Variants in RIC1 observed in about 807,000 individuals in gnomAD.
RIC1 encodes guanine nucleotide exchange factor subunit RIC1.
Under a neutral mutation model 169.0 loss-of-function variants are expected in RIC1, and 88 were observed. The ratio of observed to expected loss-of-function variants is 0.52; its 90% CI spans 0.44 to 0.62. The LOEUF is 0.62. Ranked by LOEUF, RIC1 falls within the 20% of genes least tolerant of loss-of-function variation. RIC1 has a pLI of 0.00. For missense variants in RIC1, 1,877 were observed against 1,725.5 expected (o/e 1.09, Z -1.56); for synonymous variants, 790 against 601.5 (o/e 1.31, Z -4.59).
At chr9:5,636,072 G>A (rs1035844033) in intron 1 of RIC1, among the ~76,000 whole-genome samples, 4 of 152,150 alleles carry the variant, frequency 2.6e-5, no homozygotes, top group African/African-American at 4.8e-5. Flanking sequence ...TTTTAGGATT[G>A]TTTTTCTGTT....
chr9:5,636,560 C>T (rs1817983618), intron 1 of RIC1, among the ~76,000 whole-genome samples: 1 of 152,124 alleles, frequency 6.6e-6, no homozygotes, highest in Admixed American at 6.6e-5. Context: ...CTCAGTTGAT[C>T]TGCCTGCCTC....
chr9:5,685,311 ATCGCCAAG>A (rs1821149970), intron 2 of RIC1, among the ~76,000 whole-genome samples: 1 of 151,368 alleles, frequency 6.6e-6, no homozygotes, highest in Non-Finnish European at 1.5e-5. Flanking sequence ...AAGAGCCCGC[ATCGCCAAG>A]TCAATCCTAA....
chr9:5,696,419 G>T (rs1287037717), intron 3 of RIC1, among the ~76,000 whole-genome samples: 2 of 151,664 alleles, frequency 1.3e-5, no homozygotes, highest in East Asian at 1.9e-4. Context: ...CTTTTTTTAT[G>T]TAAGAAATTT....
intron 2 of RIC1, among the ~76,000 whole-genome samples, chr9:5,678,037 C>A (rs1820563929): frequency 2.6e-5 from 4 of 151,920 alleles, no homozygotes; most frequent in African/African-American, 9.7e-5. Flanking sequence ...GTGATGTTCC[C>A]CTTCCTGTGT....
intron 1 of RIC1, 41 bp downstream of exon 1, chr9:5,629,494 G>T: frequency 6.7e-7 from 1 of 1,501,802 alleles, no homozygotes; most frequent in South Asian, 1.2e-5. Flanking sequence ...CTGCCTCCCC[G>T]GCCTCCCGGC....
At chr9:5,735,907 T>G (rs982041538) in intron 7 of RIC1, among the ~76,000 whole-genome samples, 1 of 152,228 alleles carries the variant, frequency 6.6e-6, no homozygotes, top group Non-Finnish European at 1.5e-5. Context: ...TGATCACTTA[T>G]GGTGATAATA....
intron 13 of RIC1, 46 bp from the exon 14 acceptor site, chr9:5,753,490 G>C (rs1294832757): frequency 9.4e-6 from 11 of 1,172,520 alleles, no homozygotes; most frequent in Non-Finnish European, 1.4e-5. Flanking sequence ...GCCTAATAAA[G>C]TATATAGGTT....
intron 2 of RIC1, among the ~76,000 whole-genome samples, chr9:5,666,662 GTTAATGTAGTGTATTTCATTGA>G (rs1819784146): frequency 6.6e-6 from 1 of 152,146 alleles, no homozygotes; most frequent in African/African-American, 2.4e-5. Flanking sequence ...TCTTCATCCT[GTTAATGTAGTGTATTTCATTGA>G]TTGATTTTCC....
intron 1 of RIC1, among the ~76,000 whole-genome samples, chr9:5,631,573 G>A (rs1030883429): frequency 6.6e-6 from 1 of 151,792 alleles, no homozygotes; most frequent in East Asian, 1.9e-4. Flanking sequence ...TATAGCCCCA[G>A]CTACTCGGGA....
At chr9:5,680,815 A>AT (rs66478510) in intron 2 of RIC1, among the ~76,000 whole-genome samples, 2,194 of 57,654 alleles carry the variant, frequency 0.038, 654 homozygotes, top group Middle Eastern at 0.05. Context: ...GCAGTCATTG[A>AT]TTTTTTTTTT....
At chr9:5,667,389 C>G (rs766321149) in intron 2 of RIC1, among the ~76,000 whole-genome samples, 10 of 151,978 alleles carry the variant, frequency 6.6e-5, no homozygotes, top group African/African-American at 1.7e-4. Context: ...TTATTTTGCT[C>G]TAACTTTTAT....
intron 1 of RIC1, among the ~76,000 whole-genome samples, chr9:5,640,475 C>T (rs368039154): frequency 1.3e-5 from 2 of 152,098 alleles, no homozygotes; most frequent in African/African-American, 4.8e-5. Flanking sequence ...TGTACTATGT[C>T]TTGAAAAGTT....
chr9:5,740,759 C>T (rs1191002001), intron 8 of RIC1, among the ~76,000 whole-genome samples: 6 of 151,958 alleles, frequency 3.9e-5, no homozygotes, highest in Non-Finnish European at 5.9e-5. Context: ...TTTCCCAGCC[C>T]ACTGACTCAA....
At chr9:5,698,661 G>T (rs1822044150) in intron 3 of RIC1, among the ~76,000 whole-genome samples, 1 of 152,164 alleles carries the variant, frequency 6.6e-6, no homozygotes, top group African/African-American at 2.4e-5. Flanking sequence ...AGAGGCCCAG[G>T]TTCCAGTTCA....
Position 5,635,878 on chromosome 9 carries a change from G to A in RIC1, c.144+6425G>A, listed in dbSNP as rs118145758. Among the ~76,000 whole-genome samples, 909 of 152,258 alleles carry A rather than the reference G, an allele frequency of 6.0e-3. 6 individuals are homozygous for A. Among genetic ancestry groups the A allele is most frequent in the Non-Finnish European group, 9.5e-3 (646 of 68,030 alleles). On this transcript the variant is annotated intron_variant, in intron 1 of 25. Coordinates refer to ENST00000414202, the MANE Select transcript of RIC1 (RefSeq NM_020829.4). The stretch of plus-strand genomic sequence containing the variant: ...TCTGCCATGATTGTAAGTTTCCTGA[G>A]GCCTCACCAGCCATTATGGAACTGA...
chr9:5,690,710 T>A (rs2130714854), intron 3 of RIC1, among the ~76,000 whole-genome samples: 1 of 151,994 alleles, frequency 6.6e-6, no homozygotes, highest in South Asian at 2.1e-4. Flanking sequence ...GTTTAAATTT[T>A]TGAATATTAA....
Position 5,721,587 on chromosome 9 carries a change from C to T in RIC1, c.720+837C>T, listed in dbSNP as rs192790748. 2.9e-3 allele frequency among the ~76,000 whole-genome samples: 437 copies of T among 152,322 alleles called. 2 individuals are homozygous for T. Among genetic ancestry groups the T allele is most frequent in the African/African-American group, 9.8e-3 (406 of 41,560 alleles). On this transcript the variant is annotated intron_variant, in intron 6 of 25. Coordinates refer to ENST00000414202, the MANE Select transcript of RIC1 (RefSeq NM_020829.4). ...AAACGGCAAACGGGCAGTTATTTAT[C>T]CCTCTGGATCACCAGTTTCATCTGG... is the stretch of plus-strand genomic sequence containing the variant.
intron 1 of RIC1, among the ~76,000 whole-genome samples, chr9:5,640,574 T>C (rs1818190912): frequency 6.6e-6 from 1 of 152,194 alleles, no homozygotes; most frequent in African/African-American, 2.4e-5. Context: ...TAAGAATCAT[T>C]GTTAGGTTAT....
chr9:5,701,263 A>G (rs930600170), intron 3 of RIC1, among the ~76,000 whole-genome samples: 2 of 152,248 alleles, frequency 1.3e-5, no homozygotes, highest in Middle Eastern at 3.4e-3. Context: ...TTTTATGGGC[A>G]TCTATATTGA....
Sources: allele counts gnomAD v4.1 joint callset (sites outside exome capture counted in the v4.1 genomes callset), GRCh38; gene constraint gnomAD v4.1.1; transcripts MANE v1.5; gene names NCBI Gene and HGNC (gene_info 2026-07-23, HGNC 2026-07-21).